Variants in SYK observed in about 807,000 individuals in gnomAD.
SYK encodes tyrosine-protein kinase SYK.
Under a neutral mutation model 77.8 loss-of-function variants are expected in SYK, and 16 were observed. The ratio of observed to expected loss-of-function variants is 0.21; its 90% CI spans 0.14 to 0.31. The LOEUF (loss-of-function observed/expected upper bound fraction) is 0.31, where lower values mean the gene tolerates loss of function less well. Ranked by LOEUF, SYK falls within the 10% of genes least tolerant of loss-of-function variation. The probability of loss-of-function intolerance (pLI) is 1.00; values close to 1 mark genes in which losing one functional copy is unlikely to be tolerated. For missense variants in SYK, 529 were observed against 814.4 expected, an observed-to-expected ratio of 0.65 and a Z score of 4.26; for synonymous variants, 312 against 308.7, an observed-to-expected ratio of 1.01 and a Z score of -0.11.
Position 90,896,833 on chromosome 9 carries a change from C to A in SYK, c.*1233C>A, listed in dbSNP as rs1340363480. 1 of 210,454 alleles carries A rather than the reference C, an allele frequency of 4.8e-6. No individual in the cohort carries two copies. The highest frequency in any genetic ancestry group is 9.6e-6 in the Non-Finnish European group (1 of 103,726). The allele number at this position is 210,454 out of a possible 1,614,324, so 13.0% of individuals were successfully genotyped here. On this transcript the variant is annotated 3_prime_UTR_variant, in exon 14 of 14. Transcript: ENST00000375754. ...CTTGAGGTAAGGAGTTTGAGACTAG[C>A]CTGGCCAATATGGTAAAACCCCATC...
chr9:90,832,599 C>G (rs1448024821), intron 1 of SYK, among the ~76,000 whole-genome samples: 1 of 152,202 alleles, frequency 6.6e-6, no homozygotes, highest in Non-Finnish European at 1.5e-5. Flanking sequence ...TCTTCAATAC[C>G]AGAAAGTCTT....
chr9:90,864,383 T>C (rs1827390324), intron 4 of SYK, among the ~76,000 whole-genome samples: 1 of 152,064 alleles, frequency 6.6e-6, no homozygotes, highest in Non-Finnish European at 1.5e-5. Context: ...ACAGAAAAAA[T>C]TTGCTGCCCC....
chr9:90,812,655 A>G (rs1825122398), intron 1 of SYK, among the ~76,000 whole-genome samples: 1 of 152,022 alleles, frequency 6.6e-6, no homozygotes, highest in Non-Finnish European at 1.5e-5. Flanking sequence ...ATTGGGATTT[A>G]TTGGTATGCT....
intron 7 of SYK, among the ~76,000 whole-genome samples, chr9:90,867,699 A>G (rs148963796): frequency 6.6e-6 from 1 of 152,172 alleles, no homozygotes; most frequent in African/African-American, 2.4e-5. Flanking sequence ...TAGAACTGCA[A>G]ATGTGACATG....
At chr9:90,839,636 A>G (rs1826219751) in intron 1 of SYK, among the ~76,000 whole-genome samples, 1 of 152,194 alleles carries the variant, frequency 6.6e-6, no homozygotes, top group African/African-American at 2.4e-5. Flanking sequence ...ATTTATATGA[A>G]TTAAAAAGTA....
intron 7 of SYK, 70 bp downstream of exon 7, chr9:90,867,269 C>T: frequency 6.7e-7 from 1 of 1,491,818 alleles, no homozygotes. Flanking sequence ...TCCCGCCCGC[C>T]CAGTCTGCCC....
intron 3 of SYK, among the ~76,000 whole-genome samples, chr9:90,855,123 G>A (rs530370351): frequency 2.4e-4 from 36 of 152,064 alleles, no homozygotes; most frequent in Non-Finnish European, 4.6e-4. Context: ...TCCATTCTCC[G>A]TGGTTTATCC....
In SYK at chr9:90,867,288, C is replaced by T. The variant is rs548874754; in HGVS notation, c.915+89C>T. On this transcript the variant is annotated intron_variant, in intron 7 of 13. Coordinates refer to ENST00000375754, the MANE Select transcript of SYK (RefSeq NM_003177.7). ...GCCCGCCCAGTCTGCCCTGTGTGTG[C>T]GCTGCCCCCCATCTCTTGCCACTCT... 11 of 1,313,168 alleles carry T rather than the reference C, an allele frequency of 8.4e-6. No homozygotes were observed. In the African/African-American group the frequency reaches 8.7e-5, roughly 10 times the overall value. The allele number at this position is 1,313,168 out of a possible 1,614,324, so 81.3% of individuals were successfully genotyped here. A position where few individuals can be genotyped will look rare whatever the true frequency, so the allele number is the denominator to read the frequency against.
At chr9:90,822,071 G>A (rs372549131) in intron 1 of SYK, among the ~76,000 whole-genome samples, 14 of 152,298 alleles carry the variant, frequency 9.2e-5, no homozygotes, top group South Asian at 4.2e-4. Context: ...CCTGAGAAGC[G>A]ATGGGCTACT....
chr9:90,810,128 G>C (rs116437408), intron 1 of SYK, among the ~76,000 whole-genome samples: 1 of 152,252 alleles, frequency 6.6e-6, no homozygotes, highest in South Asian at 2.1e-4. Flanking sequence ...GTATCAGTCC[G>C]ATCAGGCTTT....
At chr9:90,841,107 G>A (rs1030126515) in intron 1 of SYK, among the ~76,000 whole-genome samples, 1 of 151,950 alleles carries the variant, frequency 6.6e-6, no homozygotes, top group Non-Finnish European at 1.5e-5. Flanking sequence ...TAGTTTGTGT[G>A]TGGTGTGTGT....
rs1341854604 is a variant in SYK, at chr9:90,823,533, A to G, written c.-41-20325A>G. 2.0e-5 allele frequency among the ~76,000 whole-genome samples: 3 copies of G among 152,226 alleles called. No homozygotes were observed. In the East Asian group the frequency reaches 5.8e-4, roughly 29 times the overall value. On this transcript the variant is annotated intron_variant, in intron 1 of 13. Coordinates refer to ENST00000375754, the MANE Select transcript of SYK (RefSeq NM_003177.7). ...ACACATTTGAAAGACTAAACGTCAT[A>G]CCAATTATGTTCTCAGAACACAGTA...
chr9:90,894,843 C>T (rs1828923224), intron 13 of SYK, among the ~76,000 whole-genome samples: 1 of 152,216 alleles, frequency 6.6e-6, no homozygotes, highest in Non-Finnish European at 1.5e-5. Flanking sequence ...AGACTGCGAA[C>T]TGTTAATGCT....
At chr9:90,816,941 T>C (rs977250978) in intron 1 of SYK, among the ~76,000 whole-genome samples, 3 of 152,266 alleles carry the variant, frequency 2.0e-5, no homozygotes, top group Admixed American at 1.3e-4. Flanking sequence ...GTTTATTCCT[T>C]GGTGGACTTT....
chr9:90,813,206 T>C (rs1419489385), intron 1 of SYK, among the ~76,000 whole-genome samples: 2 of 152,148 alleles, frequency 1.3e-5, no homozygotes, highest in East Asian at 3.9e-4. Flanking sequence ...CATAGTTTCT[T>C]GGTGTCTGTG....
At chr9:90,847,934 A>T (rs1478455583) in intron 3 of SYK, among the ~76,000 whole-genome samples, 1 of 152,172 alleles carries the variant, frequency 6.6e-6, no homozygotes, top group East Asian at 1.9e-4. Flanking sequence ...GTGAGGAAAC[A>T]CCTTGGAGGG....
intron 2 of SYK, among the ~76,000 whole-genome samples, chr9:90,844,824 T>C (rs1218153653): frequency 6.6e-6 from 1 of 152,284 alleles, no homozygotes; most frequent in Non-Finnish European, 1.5e-5. Flanking sequence ...GAATAAACGC[T>C]GCTAACAACA....
intron 1 of SYK, among the ~76,000 whole-genome samples, chr9:90,840,991 T>A (rs531158737): frequency 6.6e-6 from 1 of 152,278 alleles, no homozygotes; most frequent in East Asian, 1.9e-4. Flanking sequence ...ATCATCGTGG[T>A]GCAGGATCTG....
At chr9:90,813,026 T>C (rs1230163364) in intron 1 of SYK, among the ~76,000 whole-genome samples, 1 of 152,222 alleles carries the variant, frequency 6.6e-6, no homozygotes, top group Non-Finnish European at 1.5e-5. Context: ...TAACATTTTC[T>C]ACACAAGAGG....
Sources: gnomAD v4.1 joint callset for allele counts (sites outside exome capture counted in the v4.1 genomes callset) on GRCh38, gnomAD v4.1.1 for gene constraint, MANE v1.5 for transcripts, NCBI Gene and HGNC (gene_info 2026-07-23, HGNC 2026-07-21) for gene names.